Variants in FAM193A observed in about 807,000 individuals in gnomAD.
FAM193A encodes the protein family with sequence similarity 193 member A, also known as protein FAM193A.
Under a neutral mutation model 126.5 loss-of-function variants are expected in FAM193A, and 22 were observed. The ratio of observed to expected loss-of-function variants is 0.17; its 90% CI spans 0.12 to 0.25. The LOEUF is 0.25. FAM193A is among the 10% of genes least tolerant of loss of function. The pLI is 1.00. For missense variants in FAM193A, 1,675 were observed against 1,672.8 expected (o/e 1.00, Z -0.02); for synonymous variants, 761 against 646.8 (o/e 1.18, Z -2.68).
chr4:2,649,794 A>G (rs1745490768), intron 7 of FAM193A, among the ~76,000 whole-genome samples: 1 of 152,234 alleles, frequency 6.6e-6, no homozygotes, highest in African/African-American at 2.4e-5. Flanking sequence ...GTCACAGACC[A>G]GTACTAGTCC....
At chr4:2,647,494 T>G (rs1198584481) in intron 7 of FAM193A, among the ~76,000 whole-genome samples, 1 of 152,180 alleles carries the variant, frequency 6.6e-6, no homozygotes, top group Non-Finnish European at 1.5e-5. Flanking sequence ...AGCACTCTGC[T>G]GTTGAGAGCT....
chr4:2,691,061 T>A (rs914291182), intron 15 of FAM193A, 91 bp downstream of exon 15: 2 of 1,248,334 alleles, frequency 1.6e-6, no homozygotes, highest in African/African-American at 3.0e-5. Context: ...TGTAACTGCC[T>A]TTTACTTGGC....
At chr4:2,609,927 TA>T (rs796205895) in intron 2 of FAM193A, among the ~76,000 whole-genome samples, 322 of 118,324 alleles carry the variant, frequency 2.7e-3, no homozygotes, top group African/African-American at 3.9e-3. Flanking sequence ...GACTCCGTCT[TA>T]AAAAAAAAAA....
Position 2,540,642 on chromosome 4 carries a change from C to A in FAM193A, c.255+3472C>A, listed in dbSNP as rs187845419. The stretch of plus-strand genomic sequence containing the variant: ...CAGCCTGGGTGACAGAGTGAGACTC[C>A]GTCTCAAAAAAACAAACGAACAAAA... On this transcript the variant is annotated intron_variant, in intron 1 of 20. Coordinates refer to ENST00000637812, the MANE Select transcript of FAM193A (RefSeq NM_001366318.2). 1.5e-3 allele frequency among the ~76,000 whole-genome samples: 222 copies of A among 151,830 alleles called. 1 individual carries two copies. Among genetic ancestry groups the A allele is most frequent in the African/African-American group, 5.2e-3 (216 of 41,440 alleles).
intron 12 of FAM193A, among the ~76,000 whole-genome samples, chr4:2,668,843 T>G (rs1713457975): frequency 6.6e-6 from 1 of 151,720 alleles, no homozygotes. Flanking sequence ...TTCTTTTCCT[T>G]TTTCTTTTCC....
chr4:2,691,716 G>C (rs1716400647), intron 15 of FAM193A, among the ~76,000 whole-genome samples: 3 of 151,628 alleles, frequency 2.0e-5, no homozygotes, highest in Admixed American at 2.0e-4. Context: ...GAGAGGGGAG[G>C]GTTGCTTAAG....
At chr4:2,660,252 A>C (rs1389737303) in intron 10 of FAM193A, among the ~76,000 whole-genome samples, 198 bp downstream of exon 10, 1 of 152,132 alleles carries the variant, frequency 6.6e-6, no homozygotes, top group Non-Finnish European at 1.5e-5. Context: ...GGGAAAAAAA[A>C]AACATGGTAA....
chr4:2,670,055 T>C (rs1713607896), intron 12 of FAM193A, among the ~76,000 whole-genome samples: 1 of 152,308 alleles, frequency 6.6e-6, no homozygotes, highest in African/African-American at 2.4e-5. Flanking sequence ...CCCTTTCCTC[T>C]GGGACTTGGT....
chr4:2,731,190 C>A (rs1384038285), intron 20 of FAM193A, among the ~76,000 whole-genome samples: 1 of 126,824 alleles, frequency 7.9e-6, no homozygotes, highest in Non-Finnish European at 1.6e-5. Flanking sequence ...GAGCGAAACT[C>A]CTTCTCAAAA....
chr4:2,547,333 C>T (rs1041908921), intron 1 of FAM193A, among the ~76,000 whole-genome samples: 4 of 152,048 alleles, frequency 2.6e-5, no homozygotes, highest in Admixed American at 6.6e-5. Context: ...GTGAAGGTTG[C>T]TATGAGCCAA....
chr4:2,596,055 G>C (rs2108907522), intron 1 of FAM193A, 29 bp from the exon 2 acceptor site: 1 of 680,584 alleles, frequency 1.5e-6, no homozygotes, highest in South Asian at 1.6e-5. Flanking sequence ...ATGAGGTTTT[G>C]AAAATAGAAT....
At chr4:2,693,954 C>T in intron 16 of FAM193A, 80 bp downstream of exon 16, 1 of 1,412,862 alleles carries the variant, frequency 7.1e-7, no homozygotes. Flanking sequence ...TACAGAAACT[C>T]CCCTGGGACC....
intron 1 of FAM193A, among the ~76,000 whole-genome samples, chr4:2,580,424 C>T (rs1405200761): frequency 1.3e-5 from 2 of 152,132 alleles, no homozygotes; most frequent in Admixed American, 6.5e-5. Context: ...GTACAACAAA[C>T]GCCTGTGACA....
chr4:2,673,354 A>G (rs1468580919), intron 13 of FAM193A, among the ~76,000 whole-genome samples: 2 of 152,136 alleles, frequency 1.3e-5, no homozygotes, highest in South Asian at 2.1e-4. Context: ...TCTCCCCTCT[A>G]GGGGTCACTG....
chr4:2,681,525 A>C (rs545324822), intron 13 of FAM193A, among the ~76,000 whole-genome samples: 1 of 152,316 alleles, frequency 6.6e-6, no homozygotes, highest in Non-Finnish European at 1.5e-5. Context: ...ATCTTGGGTC[A>C]CTGCAACCTC....
chr4:2,693,895 G>C (rs1314000433), intron 16 of FAM193A, 21 bp downstream of exon 16: 2 of 1,603,334 alleles, frequency 1.2e-6, no homozygotes, highest in Non-Finnish European at 1.7e-6. Context: ...TCCTGACTGG[G>C]GACGTGGGAG....
intron 5 of FAM193A, among the ~76,000 whole-genome samples, chr4:2,635,651 G>A (rs1744014171): frequency 6.6e-6 from 1 of 152,142 alleles, no homozygotes; most frequent in Non-Finnish European, 1.5e-5. Flanking sequence ...TCCTGCCCCA[G>A]CCTCCCAAAT....
At chr4:2,570,264 C>G (rs891698429) in intron 1 of FAM193A, among the ~76,000 whole-genome samples, 10 of 152,078 alleles carry the variant, frequency 6.6e-5, no homozygotes, top group African/African-American at 2.4e-4. Context: ...ACCCTTATGT[C>G]TCCCTGCAGG....
chr4:2,589,288 A>G (rs1740395500), intron 1 of FAM193A, among the ~76,000 whole-genome samples: 1 of 152,364 alleles, frequency 6.6e-6, no homozygotes, highest in East Asian at 1.9e-4. Flanking sequence ...TCTTATTTAC[A>G]TCTGTAGAAC....
Sources: gnomAD v4.1 joint callset for allele counts (sites outside exome capture counted in the v4.1 genomes callset) on GRCh38, gnomAD v4.1.1 for gene constraint, MANE v1.5 for transcripts, NCBI Gene and HGNC (gene_info 2026-07-23, HGNC 2026-07-21) for gene names.